Variants in SLC16A10 observed in about 807,000 individuals in gnomAD.
The protein encoded by SLC16A10 is monocarboxylate transporter 10.
Under a neutral mutation model 40.0 loss-of-function variants are expected in SLC16A10, and 27 were observed. The ratio of observed to expected loss-of-function variants is 0.67; its 90% CI spans 0.50 to 0.93. The LOEUF is 0.93. SLC16A10 is among the 40% of genes least tolerant of loss of function. The pLI is 0.00. For missense variants in SLC16A10, 529 were observed against 658.2 expected (o/e 0.80, Z 2.15); for synonymous variants, 213 against 249.8 (o/e 0.85, Z 1.39).
chr6:111,128,386 C>T (rs927921171), intron 1 of SLC16A10, among the ~76,000 whole-genome samples: 9 of 152,114 alleles, frequency 5.9e-5, no homozygotes, highest in African/African-American at 2.2e-4. Flanking sequence ...ACACTTAACT[C>T]TACACTAGAG....
In SLC16A10 at chr6:111,229,870, G is replaced by C. The variant is rs757091320; in HGVS notation, c.*7635G>C. 6.6e-6 allele frequency: 1 copy of C among 152,542 alleles called. No homozygotes were observed. The highest frequency in any genetic ancestry group is 2.4e-5 in the African/African-American group (1 of 41,426). 9.4% of individuals were successfully genotyped at this position (152,542 alleles called of 1,614,324 possible). Reference sequence around the variant, plus strand: ...CACACCTGTAATCCCAGCACTTTGGGAGGCCAAGGCAGGCGGATTGCTTGA... The same window carrying C: ...CACACCTGTAATCCCAGCACTTTGGCAGGCCAAGGCAGGCGGATTGCTTGA... On this transcript the variant is annotated 3_prime_UTR_variant, in exon 6 of 6. Transcript: ENST00000368851.
chr6:111,109,988 G>A (rs1771357261), intron 1 of SLC16A10, among the ~76,000 whole-genome samples: 1 of 152,034 alleles, frequency 6.6e-6, no homozygotes. Context: ...AAAAATTGTG[G>A]CTGAACAAGG....
intron 3 of SLC16A10, among the ~76,000 whole-genome samples, chr6:111,187,600 A>T (rs1772920705): frequency 6.6e-6 from 1 of 152,246 alleles, no homozygotes; most frequent in African/African-American, 2.4e-5. Flanking sequence ...TCCATGGAAA[A>T]TAAATGGAAG....
At chr6:111,088,957 G>C (rs1562392879) in intron 1 of SLC16A10, among the ~76,000 whole-genome samples, 1 of 152,018 alleles carries the variant, frequency 6.6e-6, no homozygotes, top group East Asian at 1.9e-4. Flanking sequence ...CCATTTGGGT[G>C]AGAAAACTGT....
At chr6:111,091,288 A>AATTTTAGTAG (rs1427379785) in intron 1 of SLC16A10, 1 of 152,098 alleles carries the variant, frequency 6.6e-6, no homozygotes, top group East Asian at 1.9e-4. Flanking sequence ...GTGTCATTCC[A>AATTTTAGTAG]ATTTTAGTAG....
At chr6:111,173,951 G>T (rs1172948889) in intron 2 of SLC16A10, among the ~76,000 whole-genome samples, 3 of 152,188 alleles carry the variant, frequency 2.0e-5, no homozygotes, top group Non-Finnish European at 2.9e-5. Context: ...GTGCCAAAAA[G>T]ATTGGGGATT....
At chr6:111,213,331 CTT>C (rs76930699) in intron 4 of SLC16A10, among the ~76,000 whole-genome samples, 14,068 of 152,188 alleles carry the variant, frequency 0.092, 832 homozygotes, top group Non-Finnish European at 0.14. Flanking sequence ...TGTAGGAAGA[CTT>C]TCATATATTA....
chr6:111,118,609 A>T (rs1327884613), intron 1 of SLC16A10, among the ~76,000 whole-genome samples: 2 of 137,530 alleles, frequency 1.5e-5, no homozygotes, highest in African/African-American at 2.7e-5. Flanking sequence ...TGAAACTGGG[A>T]GGTGGAGGTT....
At chr6:111,145,849 C>T (rs567192324) in intron 1 of SLC16A10, among the ~76,000 whole-genome samples, 1 of 152,222 alleles carries the variant, frequency 6.6e-6, no homozygotes, top group East Asian at 1.9e-4. Flanking sequence ...ACCTTGTCTG[C>T]TCCACCCCTC....
intron 1 of SLC16A10, 36 bp from the exon 2 acceptor site, chr6:111,172,659 G>A: frequency 6.2e-7 from 1 of 1,601,136 alleles, no homozygotes. Flanking sequence ...AACTTACCAT[G>A]TCATAATTCC....
intron 4 of SLC16A10, among the ~76,000 whole-genome samples, chr6:111,213,995 C>G (rs910461213): frequency 6.6e-6 from 1 of 152,294 alleles, no homozygotes; most frequent in South Asian, 2.1e-4. Context: ...CTCATTGTTT[C>G]CTCTTGAGCT....
At chr6:111,104,911 A>G (rs1260152097) in intron 1 of SLC16A10, among the ~76,000 whole-genome samples, 1 of 151,864 alleles carries the variant, frequency 6.6e-6, no homozygotes, top group Non-Finnish European at 1.5e-5. Flanking sequence ...AAAAAAAAAA[A>G]GTAATAGAAC....
intron 1 of SLC16A10, among the ~76,000 whole-genome samples, chr6:111,160,066 G>A (rs1358251930): frequency 6.6e-6 from 1 of 151,934 alleles, no homozygotes; most frequent in African/African-American, 2.4e-5. Flanking sequence ...CTCTCAGTTT[G>A]TGGCTTGTCT....
chr6:111,174,489 A>G (rs1772643114), intron 2 of SLC16A10, among the ~76,000 whole-genome samples: 1 of 152,128 alleles, frequency 6.6e-6, no homozygotes, highest in Non-Finnish European at 1.5e-5. Flanking sequence ...CTTTGTAGAA[A>G]ATAGATATTT....
In SLC16A10 at chr6:111,087,864, A is replaced by C; in HGVS notation, c.112A>C (p.Ser38Arg). 1 of 1,472,490 alleles carries C rather than the reference A, an allele frequency of 6.8e-7. No individual in the cohort carries two copies. Among genetic ancestry groups the C allele is most frequent in the Non-Finnish European group, 8.9e-7 (1 of 1,117,638 alleles). 91.2% of individuals were successfully genotyped at this position (1,472,490 alleles called of 1,614,324 possible). The stretch of plus-strand genomic sequence containing the variant: ...GCCGCCCGGCCCGGGACCCTCGGAC[A>C]GCCCCGAGGCGGCTGTCGAGAAGGT... Reference protein sequence around the residue: ...APPPGPGPSDSPEAAVEKVEV... With the variant: ...APPPGPGPSDRPEAAVEKVEV... The change falls in exon 1 of 6, where the codon AGC becomes CGC. Residue 38 changes from serine to arginine, a missense_variant. Transcript: ENST00000368851.
At chr6:111,181,755 G>A (rs563435024) in intron 3 of SLC16A10, among the ~76,000 whole-genome samples, 5 of 152,266 alleles carry the variant, frequency 3.3e-5, no homozygotes, top group East Asian at 1.9e-4. Flanking sequence ...CGTAGTTGAC[G>A]TTTCAAAAAG....
intron 3 of SLC16A10, among the ~76,000 whole-genome samples, chr6:111,197,655 C>G (rs946665542): frequency 6.6e-6 from 1 of 152,052 alleles, no homozygotes; most frequent in Admixed American, 6.6e-5. Flanking sequence ...TTAATTGGCT[C>G]ACGATTCTGC....
rs58361876 is a variant in SLC16A10 at position 111,187,136 on chromosome 6, A to G, written c.942+9471A>G. ...CAGGTTTCTTTTAGACAAATACAAC[A>G]TTTATTTCCCGCATTTCTTTTTGAT... On this transcript the variant is annotated intron_variant, in intron 3 of 5. Transcript: ENST00000368851. Among the ~76,000 whole-genome samples the G allele has an allele frequency of 9.7e-3, 1,479 of 152,258 alleles. 23 individuals carry two copies. Among genetic ancestry groups the G allele is most frequent in the African/African-American group, 0.034 (1,411 of 41,534 alleles).
intron 1 of SLC16A10, among the ~76,000 whole-genome samples, chr6:111,158,251 T>C (rs1314971254): frequency 6.6e-6 from 1 of 152,212 alleles, no homozygotes; most frequent in African/African-American, 2.4e-5. Context: ...TTTATTACTT[T>C]TCTGCCATGA....
Sources: gnomAD v4.1 joint callset for allele counts (sites outside exome capture counted in the v4.1 genomes callset) on GRCh38, gnomAD v4.1.1 for gene constraint, MANE v1.5 for transcripts, NCBI Gene and HGNC (gene_info 2026-07-23, HGNC 2026-07-21) for gene names.